Variants in MAGI1 observed in about 807,000 individuals in gnomAD.
MAGI1 encodes membrane-associated guanylate kinase, WW and PDZ domain-containing protein 1.
Under a neutral mutation model 139.9 loss-of-function variants are expected in MAGI1, and 58 were observed. That is an observed-to-expected ratio of 0.41 (90% CI 0.34 to 0.52). The LOEUF (loss-of-function observed/expected upper bound fraction) is 0.52. MAGI1 is among the 20% of genes least tolerant of loss of function. The probability of loss-of-function intolerance (pLI) is 0.12; values close to 1 mark genes in which losing one functional copy is unlikely to be tolerated. For synonymous variants in MAGI1, 812 were observed against 737.9 expected (o/e 1.10, Z -1.63); for missense variants, 1,874 against 1,901.6 (o/e 0.99, Z 0.27).
At chr3:65,774,948 C>A (rs899261298) in intron 1 of MAGI1, among the ~76,000 whole-genome samples, 1 of 152,144 alleles carries the variant, frequency 6.6e-6, no homozygotes, top group Non-Finnish European at 1.5e-5. Context: ...ATGTTGTCAA[C>A]ATCATGGGAT....
chr3:65,454,382 G>T (rs1451214898), intron 5 of MAGI1, among the ~76,000 whole-genome samples: 3 of 150,812 alleles, frequency 2.0e-5, no homozygotes, highest in African/African-American at 7.3e-5. Context: ...GGACTGTTGT[G>T]GGGTTGGGGG....
At chr3:65,509,376 C>G (rs1353354475) in intron 2 of MAGI1, among the ~76,000 whole-genome samples, 1 of 152,134 alleles carries the variant, frequency 6.6e-6, no homozygotes, top group Non-Finnish European at 1.5e-5. Context: ...GTGATTTCTG[C>G]GTTTCCATCT....
intron 2 of MAGI1, among the ~76,000 whole-genome samples, chr3:65,582,862 TCTC>T (rs1440917547): frequency 6.6e-6 from 1 of 152,172 alleles, no homozygotes; most frequent in African/African-American, 2.4e-5. Context: ...AGACATGACT[TCTC>T]CTTCTACAAC....
At chr3:65,398,714 G>T (rs1229920624) in intron 13 of MAGI1, among the ~76,000 whole-genome samples, 1 of 152,046 alleles carries the variant, frequency 6.6e-6, no homozygotes, top group Non-Finnish European at 1.5e-5. Flanking sequence ...TCCCAGAGAG[G>T]TCTAAAACCT....
At chr3:65,841,918 AC>A (rs1356510551) in intron 1 of MAGI1, among the ~76,000 whole-genome samples, 2 of 152,190 alleles carry the variant, frequency 1.3e-5, no homozygotes, top group Non-Finnish European at 2.9e-5. Flanking sequence ...CTAAGGCGCA[AC>A]TGGGGTTCAT....
At chr3:65,453,920 C>G (rs533962906) in intron 5 of MAGI1, among the ~76,000 whole-genome samples, 1 of 152,162 alleles carries the variant, frequency 6.6e-6, no homozygotes, top group African/African-American at 2.4e-5. Context: ...TAAATAGAAT[C>G]TGGACCAAGG....
Position 65,863,704 on chromosome 3 carries a change from T to C in MAGI1, c.313+174292A>G, listed in dbSNP as rs141541550. ...GAGTTCAAAGCCTCTAATCCATCCATCAAAATGGATAAAATAGATGAAAAA... is the reference window on the plus strand; with the variant it reads ...GAGTTCAAAGCCTCTAATCCATCCACCAAAATGGATAAAATAGATGAAAAA... On this transcript the variant is annotated intron_variant, in intron 1 of 22. Transcript: ENST00000402939. Among the ~76,000 whole-genome samples the C allele has an allele frequency of 1.5e-3, 233 of 152,216 alleles. 2 individuals are homozygous for C. The highest frequency in any genetic ancestry group is 5.1e-3 in the African/African-American group (211 of 41,524).
chr3:65,515,260 GTAAC>G (rs67218170), intron 2 of MAGI1, among the ~76,000 whole-genome samples: 33,133 of 150,462 alleles, frequency 0.22, 3,765 homozygotes, highest in Middle Eastern at 0.27. Context: ...GTATACATAT[GTAAC>G]TAACCTGCAC....
intron 1 of MAGI1, among the ~76,000 whole-genome samples, chr3:65,762,666 G>A (rs897702191): frequency 5.3e-5 from 8 of 152,150 alleles, no homozygotes; most frequent in Non-Finnish European, 1.2e-4. Context: ...TAACATGGGT[G>A]TGTTATTATA....
At chr3:65,957,234 G>C (rs992886396) in intron 1 of MAGI1, among the ~76,000 whole-genome samples, 1 of 151,590 alleles carries the variant, frequency 6.6e-6, no homozygotes, top group Non-Finnish European at 1.5e-5. Context: ...GTCAAAATGG[G>C]CTGGGCACAC....
At chr3:65,715,022 A>T (rs895742600) in intron 1 of MAGI1, among the ~76,000 whole-genome samples, 1 of 146,604 alleles carries the variant, frequency 6.8e-6, no homozygotes, top group East Asian at 2.2e-4. Context: ...GGATGGGGAG[A>T]GGGGTAGAGA....
rs935764436 is a variant in MAGI1 at position 65,612,166 on chromosome 3, C to T, written c.430+9806G>A. On this transcript the variant is annotated intron_variant, in intron 2 of 22. Coordinates refer to ENST00000402939, the MANE Select transcript of MAGI1 (RefSeq NM_001033057.2). ...ACATTCACATATAATCCCCTTTCTC[C>T]CAAACTATAATTGTTTGATTATTTT... Among the ~76,000 whole-genome samples, 6 of 152,076 alleles carry T rather than the reference C, an allele frequency of 3.9e-5. No homozygotes were observed. The East Asian group carries it at 5.8e-4, about 15-fold the overall frequency.
intron 1 of MAGI1, among the ~76,000 whole-genome samples, chr3:65,986,725 T>A (rs903473927): frequency 6.6e-6 from 1 of 152,206 alleles, no homozygotes; most frequent in East Asian, 1.9e-4. Context: ...TTCTTTAAGA[T>A]AGGTGTCACA....
intron 13 of MAGI1, among the ~76,000 whole-genome samples, chr3:65,400,821 A>G (rs975099346): frequency 3.6e-5 from 5 of 138,532 alleles, no homozygotes; most frequent in Admixed American, 8.1e-5. Context: ...TAATGCTGCT[A>G]AAGCTGGCAA....
rs9836200 is a variant in MAGI1 at position 65,504,918 on chromosome 3, T to C, written c.431-11287A>G. On this transcript the variant is annotated intron_variant, in intron 2 of 22. Coordinates refer to ENST00000402939, the MANE Select transcript of MAGI1 (RefSeq NM_001033057.2). ...CTCGCATTCATTAAAGTCAGGAACA[T>C]GAGAGTTCTCAGGTTGTAACTGATT... Among the ~76,000 whole-genome samples the C allele has an allele frequency of 8.0e-3, 1,218 of 152,284 alleles. 14 individuals carry two copies. The highest frequency in any genetic ancestry group is 0.028 in the African/African-American group (1,152 of 41,540).
intron 1 of MAGI1, among the ~76,000 whole-genome samples, chr3:65,953,234 A>G (rs2063951218): frequency 6.6e-6 from 1 of 152,190 alleles, no homozygotes; most frequent in Non-Finnish European, 1.5e-5. Context: ...AATTAAAACT[A>G]GATAAGTAAG....
chr3:65,558,554 C>G (rs1304286748), intron 2 of MAGI1, among the ~76,000 whole-genome samples: 1 of 152,178 alleles, frequency 6.6e-6, no homozygotes, highest in Non-Finnish European at 1.5e-5. Context: ...ATCATTCTCT[C>G]TCATTCGTTT....
intron 1 of MAGI1, among the ~76,000 whole-genome samples, chr3:65,908,166 A>G (rs1369291466): frequency 6.6e-6 from 1 of 152,220 alleles, no homozygotes; most frequent in Non-Finnish European, 1.5e-5. Context: ...ATATTTTGCT[A>G]GCTCACATAC....
At position 65,548,509 on chromosome 3, in the gene MAGI1, C is replaced by CTTT. The variant is rs1306099660; in HGVS notation, c.431-54879_431-54878insAAA. On this transcript the variant is annotated intron_variant, in intron 2 of 22. Transcript: ENST00000402939. ...TGAGCCCAGCTTTATGCAAACAACACTCTTTTTTTTTTTTTTTTTTTTTTT... is the reference window on the plus strand; with the variant it reads ...TGAGCCCAGCTTTATGCAAACAACACTTTTCTTTTTTTTTTTTTTTTTTTTTTT... 4.9e-3 allele frequency among the ~76,000 whole-genome samples: 579 copies of CTTT among 117,366 alleles called. 54 individuals carry two copies. Among genetic ancestry groups the CTTT allele is most frequent in the South Asian group, 7.0e-3 (23 of 3,266 alleles). 77.0% of individuals were successfully genotyped at this position (117,366 alleles called of 152,430 possible).
Sources: allele counts gnomAD v4.1 joint callset (sites outside exome capture counted in the v4.1 genomes callset), GRCh38; gene constraint gnomAD v4.1.1; transcripts MANE v1.5; gene names NCBI Gene and HGNC (gene_info 2026-07-23, HGNC 2026-07-21).